The following PLCB1 variants were observed in gnomAD, a reference collection of about 807,000 sequenced individuals.
The protein encoded by PLCB1 is 1-phosphatidylinositol 4,5-bisphosphate phosphodiesterase beta-1.
Under a neutral mutation model 161.8 loss-of-function variants are expected in PLCB1, and 46 were observed. The ratio of observed to expected loss-of-function variants is 0.28; its 90% CI spans 0.22 to 0.36. The LOEUF (loss-of-function observed/expected upper bound fraction) is 0.36, where lower values mean the gene tolerates loss of function less well. PLCB1 is among the 10% of genes least tolerant of loss of function. PLCB1 has a pLI of 1.00. For synonymous variants in PLCB1, 517 were observed against 503.7 expected (o/e 1.03, Z -0.35); for missense variants, 1,016 against 1,472.5 (o/e 0.69, Z 5.07).
chr20:8,768,807 G>A lies in PLCB1; in HGVS notation c.2930+3449G>A, dbSNP rs117058035. Among the ~76,000 whole-genome samples the A allele has an allele frequency of 2.4e-3, 369 of 152,280 alleles. 5 individuals carry two copies. The highest frequency in any genetic ancestry group is 3.9e-3 in the Admixed American group (60 of 15,292). On this transcript the variant is annotated intron_variant, in intron 26 of 31. Coordinates refer to ENST00000338037, the MANE Select transcript of PLCB1 (RefSeq NM_015192.4). ...GTAGACCTGTGACTGCTTCTGGTCC[G>A]TATACTTATAATCTTCTATCTCTAT... is the stretch of plus-strand genomic sequence containing the variant.
chr20:8,804,262 T>G (rs988823144), intron 31 of PLCB1, among the ~76,000 whole-genome samples: 1 of 152,258 alleles, frequency 6.6e-6, no homozygotes, highest in African/African-American at 2.4e-5. Context: ...TTTTTGTTGC[T>G]GTGCTCTTTC....
intron 2 of PLCB1, among the ~76,000 whole-genome samples, chr20:8,357,975 A>G (rs987953259): frequency 6.6e-6 from 1 of 152,220 alleles, no homozygotes; most frequent in Non-Finnish European, 1.5e-5. Flanking sequence ...ACCACTGAGC[A>G]CCTTCAGAGT....
At chr20:8,404,528 C>T (rs1978702446) in intron 3 of PLCB1, among the ~76,000 whole-genome samples, 1 of 152,068 alleles carries the variant, frequency 6.6e-6, no homozygotes, top group South Asian at 2.1e-4. Context: ...CTTTTTTCTC[C>T]CCTGAGAAGC....
At chr20:8,218,801 C>T (rs1419713689) in intron 2 of PLCB1, among the ~76,000 whole-genome samples, 1 of 151,900 alleles carries the variant, frequency 6.6e-6, no homozygotes, top group Non-Finnish European at 1.5e-5. Context: ...TGGGAAAGGG[C>T]CAGCACATTC....
chr20:8,576,190 C>T (rs77648973), intron 3 of PLCB1, among the ~76,000 whole-genome samples: 1,886 of 152,224 alleles, frequency 0.012, 23 homozygotes, highest in African/African-American at 0.025. Flanking sequence ...GCCTAATTTT[C>T]ATTAAAAGTG....
intron 23 of PLCB1, among the ~76,000 whole-genome samples, chr20:8,744,666 A>AAT (rs1432172231): frequency 3.3e-5 from 5 of 150,030 alleles, no homozygotes; most frequent in African/African-American, 1.3e-4. Context: ...AAAAAAATAA[A>AAT]ATTGTTTGTA....
chr20:8,738,511 C>G (rs1980699942), intron 20 of PLCB1, among the ~76,000 whole-genome samples: 1 of 151,930 alleles, frequency 6.6e-6, no homozygotes, highest in Non-Finnish European at 1.5e-5. Context: ...CTAACCTGCA[C>G]ATTGTGCACA....
At chr20:8,382,550 CTT>C (rs547236512) in intron 3 of PLCB1, among the ~76,000 whole-genome samples, 4 of 129,340 alleles carry the variant, frequency 3.1e-5, no homozygotes, top group Non-Finnish European at 3.3e-5. Context: ...CTCAAAGTGT[CTT>C]TTTTTTTTTT....
chr20:8,521,210 AT>A (rs2122882536), intron 3 of PLCB1, among the ~76,000 whole-genome samples: 1 of 151,984 alleles, frequency 6.6e-6, no homozygotes, highest in South Asian at 2.1e-4. Flanking sequence ...TCAAAAATTC[AT>A]TTTTTCCATA....
chr20:8,386,902 C>A (rs1987439983), intron 3 of PLCB1, among the ~76,000 whole-genome samples: 1 of 152,164 alleles, frequency 6.6e-6, no homozygotes, highest in East Asian at 1.9e-4. Context: ...CCTCATGAAC[C>A]AACCACTGCT....
chr20:8,842,750 C>A (rs1986554531), intron 31 of PLCB1, among the ~76,000 whole-genome samples: 1 of 152,146 alleles, frequency 6.6e-6, no homozygotes, highest in African/African-American at 2.4e-5. Flanking sequence ...CACCGGTAAT[C>A]AGAACAGAAC....
At chr20:8,161,950 A>T (rs924646604) in intron 2 of PLCB1, among the ~76,000 whole-genome samples, 22 of 152,152 alleles carry the variant, frequency 1.4e-4, no homozygotes, top group African/African-American at 5.3e-4. Flanking sequence ...CTCAGAAGTA[A>T]CACTCCACAT....
chr20:8,327,109 CT>C (rs2122179244), intron 2 of PLCB1, among the ~76,000 whole-genome samples: 1 of 152,264 alleles, frequency 6.6e-6, no homozygotes, highest in African/African-American at 2.4e-5. Context: ...TGGCCTTGAA[CT>C]TTTGAGCTCA....
intron 2 of PLCB1, among the ~76,000 whole-genome samples, chr20:8,352,274 A>C (rs1441903536): frequency 2.0e-5 from 3 of 152,130 alleles, no homozygotes; most frequent in African/African-American, 7.2e-5. Flanking sequence ...TAATATTCTA[A>C]AAAAGGCAAT....
chr20:8,795,514 A>G (rs1020165680), intron 31 of PLCB1, among the ~76,000 whole-genome samples: 1 of 152,186 alleles, frequency 6.6e-6, no homozygotes, highest in African/African-American at 2.4e-5. Flanking sequence ...GAGATATTCG[A>G]TTCAGTCCTT....
intron 20 of PLCB1, among the ~76,000 whole-genome samples, 178 bp from the exon 21 acceptor site, chr20:8,739,083 G>A (rs778428069): frequency 3.9e-4 from 59 of 152,160 alleles, no homozygotes; most frequent in Non-Finnish European, 4.1e-4. Context: ...ACCCAGAGGC[G>A]GAGGTTGCAG....
intron 9 of PLCB1, among the ~76,000 whole-genome samples, chr20:8,673,618 TTTC>T (rs952290136): frequency 2.0e-4 from 30 of 152,152 alleles, no homozygotes; most frequent in Admixed American, 5.2e-4. Flanking sequence ...TCTTCGATGT[TTTC>T]TTCTTAGTCC....
At chr20:8,347,504 G>A (rs1005490543) in intron 2 of PLCB1, among the ~76,000 whole-genome samples, 7 of 152,126 alleles carry the variant, frequency 4.6e-5, no homozygotes, top group Non-Finnish European at 2.9e-5. Flanking sequence ...TAAATTTCAT[G>A]TGTGCCTTTC....
At chr20:8,820,793 A>G (rs954205660) in intron 31 of PLCB1, among the ~76,000 whole-genome samples, 2 of 152,234 alleles carry the variant, frequency 1.3e-5, no homozygotes, top group African/African-American at 4.8e-5. Context: ...TTACACAACA[A>G]CTAAATAAAT....
Sources: allele counts gnomAD v4.1 joint callset (sites outside exome capture counted in the v4.1 genomes callset), GRCh38; gene constraint gnomAD v4.1.1; transcripts MANE v1.5; gene names NCBI Gene and HGNC (gene_info 2026-07-23, HGNC 2026-07-21).